Variants in MMS22L observed in about 807,000 individuals in gnomAD.
MMS22L encodes the protein MMS22 like, DNA repair protein.
A neutral mutation model predicts 159.1 loss-of-function variants in MMS22L; 74 were observed. The observed-to-expected ratio is 0.47, with a 90% CI of 0.39 to 0.56. The LOEUF (loss-of-function observed/expected upper bound fraction) is 0.56, where lower values mean the gene tolerates loss of function less well. MMS22L is among the 20% of genes least tolerant of loss of function. The probability of loss-of-function intolerance (pLI) is 0.00; values close to 1 mark genes in which losing one functional copy is unlikely to be tolerated. For synonymous variants in MMS22L, 517 were observed against 506.9 expected (o/e 1.02, Z -0.27); for missense variants, 1,351 against 1,422.1 (o/e 0.95, Z 0.80).
At chr6:97,282,204 T>G in intron 2 of MMS22L, 110 bp downstream of exon 2, 1 of 1,122,582 alleles carries the variant, frequency 8.9e-7, no homozygotes, top group Non-Finnish European at 1.3e-6. Context: ...TAAGCTGATT[T>G]ATAAAACACG....
Position 97,282,360 on chromosome 6 carries a change from TTCC to T in MMS22L, c.115_117del (p.Gly39del), listed in dbSNP as rs1816830464. 1 of 1,614,108 alleles carries T rather than the reference TTCC, an allele frequency of 6.2e-7. No individual in the cohort carries two copies. The highest frequency in any genetic ancestry group is 8.5e-7 in the Non-Finnish European group (1 of 1,180,014). Reference sequence around the variant, plus strand: ...AGGTAGGATTCTCCAGAAAAATGTTTTCCTCCTCCTCTGTTGTCAACAGCACAA... The same window carrying T: ...AGGTAGGATTCTCCAGAAAAATGTTTTCCTCCTCTGTTGTCAACAGCACAA... On this transcript the variant is annotated inframe_deletion, in exon 2 of 25. Transcript: ENST00000683635.
chr6:97,233,158 T>A (rs1378212423), intron 12 of MMS22L, among the ~76,000 whole-genome samples: 1 of 152,130 alleles, frequency 6.6e-6, no homozygotes, highest in Non-Finnish European at 1.5e-5. Flanking sequence ...CTGTACATTA[T>A]CTTCAACCCT....
rs1423738606 is a variant in MMS22L, at chr6:97,142,649, G to A, written c.*4157C>T. ...TGTATCTATTTACCTTTTAGACATG[G>A]GGAGACATGAGTGCTATGATAACAT... On this transcript the variant is annotated 3_prime_UTR_variant, in exon 25 of 25. Transcript: ENST00000683635. 1 of 152,174 alleles carries A rather than the reference G, an allele frequency of 6.6e-6. No homozygotes were observed. The highest frequency in any genetic ancestry group is 1.9e-4 in the East Asian group (1 of 5,188). The allele number at this position is 152,174 out of a possible 1,614,324, so 9.4% of individuals were successfully genotyped here. A position where few individuals can be genotyped will look rare whatever the true frequency, so the allele number is the denominator to read the frequency against.
intron 9 of MMS22L, among the ~76,000 whole-genome samples, chr6:97,256,450 G>A (rs985072097): frequency 6.6e-6 from 1 of 151,844 alleles, no homozygotes; most frequent in African/African-American, 2.4e-5. Flanking sequence ...TCCCATTTTG[G>A]CATCACCATT....
chr6:97,172,861 A>G (rs1291498007), intron 19 of MMS22L, among the ~76,000 whole-genome samples: 1 of 152,182 alleles, frequency 6.6e-6, no homozygotes, highest in Non-Finnish European at 1.5e-5. Flanking sequence ...TAAAACAATC[A>G]AAAGTATTGA....
At chr6:97,219,321 G>A (rs142886369) in intron 14 of MMS22L, among the ~76,000 whole-genome samples, 2 of 152,224 alleles carry the variant, frequency 1.3e-5, no homozygotes, top group African/African-American at 4.8e-5. Flanking sequence ...AAACCAACAT[G>A]TATTGAATGT....
At chr6:97,282,622 A>T (rs539819453) in intron 1 of MMS22L, 69 bp from the exon 2 acceptor site, 1 of 504,502 alleles carries the variant, frequency 2.0e-6, no homozygotes, top group East Asian at 3.5e-5. Flanking sequence ...GACGTCCGCC[A>T]GCAGGAAGGA....
chr6:97,239,049 A>G (rs935345736), intron 11 of MMS22L, among the ~76,000 whole-genome samples: 17 of 151,296 alleles, frequency 1.1e-4, no homozygotes, highest in African/African-American at 1.7e-4. Flanking sequence ...AAATTTATTC[A>G]CAGTCTAAAC....
At chr6:97,148,550 T>C (rs977547098) in intron 24 of MMS22L, among the ~76,000 whole-genome samples, 3 of 151,882 alleles carry the variant, frequency 2.0e-5, no homozygotes, top group Non-Finnish European at 4.4e-5. Flanking sequence ...TGTGTCTTCA[T>C]TTTTTACAAA....
rs377452036 is a variant in MMS22L, at chr6:97,146,113, A to G, written c.*693T>C. On this transcript the variant is annotated 3_prime_UTR_variant, in exon 25 of 25. Transcript: ENST00000683635. ...CTGATATGATTTTTTTTTTAATGAC[A>G]ACTCCAAAAGAAAGGATGAATAAAA... The G allele has an allele frequency of 1.3e-3, 189 of 144,746 alleles. 1 individual carries two copies. Among genetic ancestry groups the G allele is most frequent in the African/African-American group, 4.6e-3 (179 of 39,244 alleles). The allele number at this position is 144,746 out of a possible 1,614,324, so 9.0% of individuals were successfully genotyped here. A position where few individuals can be genotyped will look rare whatever the true frequency, so the allele number is the denominator to read the frequency against.
At chr6:97,208,957 T>A (rs949020867) in intron 14 of MMS22L, among the ~76,000 whole-genome samples, 1 of 151,864 alleles carries the variant, frequency 6.6e-6, no homozygotes, top group Admixed American at 6.6e-5. Flanking sequence ...AGCATTTTTT[T>A]CCTCACTTCT....
chr6:97,255,093 T>C (rs2128058755), intron 9 of MMS22L, among the ~76,000 whole-genome samples: 1 of 152,250 alleles, frequency 6.6e-6, no homozygotes, highest in Non-Finnish European at 1.5e-5. Context: ...AAGCGGCTTG[T>C]TTCTAATTCT....
chr6:97,203,672 A>G (rs945572811), intron 14 of MMS22L, among the ~76,000 whole-genome samples: 5 of 152,186 alleles, frequency 3.3e-5, no homozygotes, highest in Admixed American at 6.5e-5. Context: ...TGCAGCAAAC[A>G]TTTCATAAAT....
At chr6:97,283,047 G>A (rs1816916697) in intron 1 of MMS22L, 49 bp downstream of exon 1, 1 of 152,326 alleles carries the variant, frequency 6.6e-6, no homozygotes, top group Non-Finnish European at 1.5e-5. Flanking sequence ...CCGCGTACCC[G>A]GCTGCAGCAA....
intron 7 of MMS22L, 136 bp from the exon 8 acceptor site, chr6:97,268,138 T>G (rs1815336324): frequency 8.4e-6 from 5 of 595,350 alleles, no homozygotes; most frequent in Non-Finnish European, 1.3e-5. Context: ...AAATATGAAT[T>G]TGAGGACAAC....
chr6:97,179,329 TTACA>T lies in MMS22L; in HGVS notation c.2536+75_2536+78del, dbSNP rs1804450607. 4.1e-6 allele frequency: 5 copies of T among 1,220,916 alleles called. No homozygotes were observed. The East Asian group carries it at 1.2e-4, about 30-fold the overall frequency. The allele number at this position is 1,220,916 out of a possible 1,614,324, so 75.6% of individuals were successfully genotyped here. ...GAATATTTTGTATATTTTCTATTAA[TTACA>T]TAACAAATGATCTAGACAGCAAATA... On this transcript the variant is annotated intron_variant, in intron 17 of 24. Transcript: ENST00000683635.
intron 6 of MMS22L, chr6:97,270,317 T>C (rs1815593991): frequency 2.1e-6 from 1 of 474,154 alleles, no homozygotes; most frequent in Non-Finnish European, 4.2e-6. Context: ...TTAACACGTA[T>C]TTTCATAATT....
chr6:97,189,702 C>T (rs1805669587), intron 14 of MMS22L, among the ~76,000 whole-genome samples: 1 of 151,642 alleles, frequency 6.6e-6, no homozygotes, highest in African/African-American at 2.4e-5. Context: ...GACACTGACC[C>T]CAAACCACAC....
chr6:97,248,390 A>G (rs1410257743), intron 10 of MMS22L, among the ~76,000 whole-genome samples: 2 of 85,926 alleles, frequency 2.3e-5, no homozygotes, highest in Non-Finnish European at 6.8e-5. Flanking sequence ...AGAAATTGAG[A>G]GTGTGAGATA....
Sources: allele counts gnomAD v4.1 joint callset (sites outside exome capture counted in the v4.1 genomes callset), GRCh38; gene constraint gnomAD v4.1.1; transcripts MANE v1.5; gene names NCBI Gene and HGNC (gene_info 2026-07-23, HGNC 2026-07-21).